The following TBC1D31 variants were observed in gnomAD, a reference collection of about 807,000 sequenced individuals.
TBC1D31 encodes the protein WD repeat domain 67.
In TBC1D31, 99 loss-of-function variants were observed where a neutral mutation model predicts 132.9. The observed-to-expected ratio is 0.74, with a 90% CI of 0.63 to 0.88. TBC1D31 has a LOEUF of 0.88. Ranked by LOEUF, TBC1D31 falls within the 40% of genes least tolerant of loss-of-function variation. The probability of loss-of-function intolerance (pLI) is 0.00; values close to 1 mark genes in which losing one functional copy is unlikely to be tolerated. For missense variants in TBC1D31, 1,134 were observed against 1,256.6 expected, an observed-to-expected ratio of 0.90 and a Z score of 1.48; for synonymous variants, 385 against 419.4, an observed-to-expected ratio of 0.92 and a Z score of 1.00.
At chr8:123,144,523 T>A (rs1334348325) in intron 19 of TBC1D31, among the ~76,000 whole-genome samples, 194 bp from the exon 20 acceptor site, 1 of 152,212 alleles carries the variant, frequency 6.6e-6, no homozygotes, top group Non-Finnish European at 1.5e-5. Flanking sequence ...GGATAAAACC[T>A]GCCTCTGCTT....
downstream of TBC1D31, among the ~76,000 whole-genome samples, chr8:123,154,755 G>A (rs1822943151): frequency 6.6e-6 from 1 of 152,196 alleles, no homozygotes. Flanking sequence ...CTAGGACTGT[G>A]AAGTCATAAG....
intron 15 of TBC1D31, among the ~76,000 whole-genome samples, chr8:123,129,475 G>A (rs1820411242): frequency 6.6e-6 from 1 of 152,168 alleles, no homozygotes; most frequent in Admixed American, 6.5e-5. Context: ...TTCCTTGAAG[G>A]ACATTATTTA....
chr8:123,126,252 A>G (rs1820021981), intron 12 of TBC1D31, 63 bp downstream of exon 12: 2 of 1,535,466 alleles, frequency 1.3e-6, no homozygotes, highest in Middle Eastern at 1.7e-4. Context: ...TGGTTCTGGT[A>G]TAAACAGTCT....
At chr8:123,125,600 T>G (rs1322703197) in intron 11 of TBC1D31, among the ~76,000 whole-genome samples, 3 of 152,244 alleles carry the variant, frequency 2.0e-5, no homozygotes, top group Admixed American at 6.5e-5. Flanking sequence ...TTTTATATAT[T>G]GCTGATGTAA....
At chr8:123,095,045 A>T (rs978178197) in intron 5 of TBC1D31, among the ~76,000 whole-genome samples, 1 of 151,824 alleles carries the variant, frequency 6.6e-6, no homozygotes, top group Non-Finnish European at 1.5e-5. Flanking sequence ...ATAACTGGTC[A>T]TTTCTCCTCT....
chr8:123,154,035 C>G (rs1822928534), downstream of TBC1D31, among the ~76,000 whole-genome samples: 1 of 152,182 alleles, frequency 6.6e-6, no homozygotes, highest in African/African-American at 2.4e-5. Flanking sequence ...TAGAGTTTTT[C>G]TCTAGTATGA....
Position 123,096,529 on chromosome 8 carries a change from T to G in TBC1D31, c.672-753T>G, listed in dbSNP as rs560744125. Reference sequence around the variant, plus strand: ...CAGCTTTCATCACCTTATTTTATAGTTCTATATAGAACTTATCACCTGCTG... The same window carrying G: ...CAGCTTTCATCACCTTATTTTATAGGTCTATATAGAACTTATCACCTGCTG... On this transcript the variant is annotated intron_variant, in intron 5 of 21. Transcript: ENST00000287380. Among the ~76,000 whole-genome samples the G allele has an allele frequency of 2.0e-5, 3 of 152,316 alleles. No homozygotes were observed. The East Asian group carries it at 5.8e-4, about 29-fold the overall frequency.
At chr8:123,150,227 A>G (rs1000577815) in intron 21 of TBC1D31, 99 bp downstream of exon 21, 14 of 855,574 alleles carry the variant, frequency 1.6e-5, no homozygotes, top group Admixed American at 1.3e-4. Context: ...TGTGGACGCC[A>G]TTTTCCCAGG....
At chr8:123,074,868 G>T (rs1814331970) in intron 1 of TBC1D31, 1 of 152,228 alleles carries the variant, frequency 6.6e-6, no homozygotes, top group Non-Finnish European at 1.5e-5. Flanking sequence ...TACACATTTG[G>T]TGCTCAGTAA....
chr8:123,119,882 G>GT lies in TBC1D31; in HGVS notation c.1437-167dup, dbSNP rs531144311. Among the ~76,000 whole-genome samples the GT allele has an allele frequency of 4.5e-3, 689 of 152,250 alleles. 5 individuals are homozygous for GT. The highest frequency in any genetic ancestry group is 7.5e-3 in the Non-Finnish European group (509 of 68,024). On this transcript the variant is annotated intron_variant, in intron 10 of 21. Coordinates refer to ENST00000287380, the MANE Select transcript of TBC1D31 (RefSeq NM_145647.4). ...TTTTTATAATATACTACCATTTGTGGTTTTTTAAGAAAGGATTTATACTTT... is the reference window on the plus strand; with the variant it reads ...TTTTTATAATATACTACCATTTGTGGTTTTTTTAAGAAAGGATTTATACTTT...
chr8:123,101,049 CTT>C (rs771253511), intron 7 of TBC1D31, 42 bp downstream of exon 7: 319 of 1,333,984 alleles, frequency 2.4e-4, no homozygotes, highest in Non-Finnish European at 3.0e-4. Flanking sequence ...TTTATAAACA[CTT>C]ATATATTATA....
At chr8:123,131,682 C>G (rs572686419) in intron 16 of TBC1D31, among the ~76,000 whole-genome samples, 1 of 152,124 alleles carries the variant, frequency 6.6e-6, no homozygotes, top group African/African-American at 2.4e-5. Flanking sequence ...TTGTAAAAGT[C>G]TTTGAGTACT....
chr8:123,125,107 T>C (rs1032914430), intron 11 of TBC1D31, among the ~76,000 whole-genome samples: 7 of 152,194 alleles, frequency 4.6e-5, no homozygotes, highest in African/African-American at 1.7e-4. Context: ...ACCACTGTAA[T>C]CTAATATTCT....
chr8:123,127,988 GAA>G (rs886245310), intron 13 of TBC1D31: 7 of 197,536 alleles, frequency 3.5e-5, no homozygotes, highest in African/African-American at 1.4e-4. Context: ...GGATTTTGAA[GAA>G]AAAAAAAATC....
At position 123,100,195 on chromosome 8, in the gene TBC1D31, A is replaced by G. The variant is rs146898197; in HGVS notation, c.832-612A>G. Among the ~76,000 whole-genome samples the G allele has an allele frequency of 4.1e-3, 631 of 152,222 alleles. 15 individuals are homozygous for G. The East Asian group carries it at 0.05, about 12-fold the overall frequency. Reference sequence around the variant, plus strand: ...GGGAAGATTCTTAGGGCACCTTTCCATAGTCTACCATGATAGGTTCCCTCC... The same window carrying G: ...GGGAAGATTCTTAGGGCACCTTTCCGTAGTCTACCATGATAGGTTCCCTCC... On this transcript the variant is annotated intron_variant, in intron 6 of 21. Transcript: ENST00000287380.
chr8:123,138,714 T>C (rs1454251873), intron 17 of TBC1D31, among the ~76,000 whole-genome samples: 2 of 152,214 alleles, frequency 1.3e-5, no homozygotes, highest in Non-Finnish European at 2.9e-5. Context: ...TCACTTAGCA[T>C]GTTAAGCATC....
intron 1 of TBC1D31, 130 bp downstream of exon 1, chr8:123,072,976 G>C: frequency 2.3e-6 from 2 of 877,276 alleles, no homozygotes; most frequent in Non-Finnish European, 3.5e-6. Flanking sequence ...TGGATGACCT[G>C]CGGTGGAACA....
chr8:123,111,425 T>G (rs1818424233), intron 10 of TBC1D31, among the ~76,000 whole-genome samples: 1 of 152,186 alleles, frequency 6.6e-6, no homozygotes. Flanking sequence ...GTTTTCAGAA[T>G]AGTAAACTTA....
In TBC1D31 at chr8:123,140,856, T is replaced by G; in HGVS notation, c.2595T>G (p.His865Gln). 1 of 1,613,900 alleles carries G rather than the reference T, an allele frequency of 6.2e-7. No individual in the cohort carries two copies. The highest frequency in any genetic ancestry group is 8.5e-7 in the Non-Finnish European group (1 of 1,179,922). The change falls in exon 18 of 22, where the codon CAT becomes CAG. Residue 865 changes from histidine (H) to glutamine (Q), a missense_variant. Coordinates refer to ENST00000287380, the MANE Select transcript of TBC1D31 (RefSeq NM_145647.4). ...RKVDLEEHMF[H>Q]KLIEAGETQS... ...TGGATCTTGAAGAACACATGTTTCATAAGCTGATAGAAGCAGGTGAAACCC... is the reference window on the plus strand; with the variant it reads ...TGGATCTTGAAGAACACATGTTTCAGAAGCTGATAGAAGCAGGTGAAACCC...
Sources: gnomAD v4.1 joint callset for allele counts (sites outside exome capture counted in the v4.1 genomes callset) on GRCh38, gnomAD v4.1.1 for gene constraint, MANE v1.5 for transcripts, NCBI Gene and HGNC (gene_info 2026-07-23, HGNC 2026-07-21) for gene names.